NHLRC3: variants seen among roughly 807,000 people sequenced by gnomAD.
The protein encoded by NHLRC3 is NHL repeat-containing protein 3.
In NHLRC3, 23 loss-of-function variants were observed where a neutral mutation model predicts 32.0. The observed-to-expected ratio is 0.72, with a 90% CI of 0.52 to 1.02. The LOEUF is 1.02. Among genes scored for constraint, NHLRC3 ranks in the 50% least tolerant of loss-of-function variants. The pLI, the probability that NHLRC3 is intolerant of heterozygous loss-of-function variation, is 0.00. For synonymous variants in NHLRC3, 159 were observed against 147.9 expected (o/e 1.08, Z -0.55); for missense variants, 407 against 406.8 (o/e 1.00, Z -0.01).
At chr13:39,045,447 G>A (rs1417429632) in intron 5 of NHLRC3, among the ~76,000 whole-genome samples, 1 of 152,180 alleles carries the variant, frequency 6.6e-6, no homozygotes, top group African/African-American at 2.4e-5. Flanking sequence ...GATAAAGAGT[G>A]TCAATTATAC....
Position 39,047,830 on chromosome 13 carries a change from C to G in NHLRC3, c.948C>G (p.Asp316Glu), listed in dbSNP as rs144310707. 1.8e-5 allele frequency: 29 copies of G among 1,614,014 alleles called. No individual in the cohort carries two copies. In the African/African-American group the frequency reaches 3.3e-4, roughly 19 times the overall value. ...DQVLPHLLEV[D>E]RKTGAVYVAE... ...TTTTGCCACATCTCCTAGAAGTCGA[C>G]AGAAAGACTGGAGCAGTCTATGTAG... The change falls in exon 7 of 7, where the codon GAC (aspartate) becomes GAG (glutamate). Residue 316 changes from aspartate (D) to glutamate (E), a missense_variant. Transcript: ENST00000379600.
intron 4 of NHLRC3, 56 bp from the exon 5 acceptor site, chr13:39,044,034 C>T: frequency 8.4e-7 from 1 of 1,195,822 alleles, no homozygotes; most frequent in Non-Finnish European, 1.2e-6. Context: ...ATAAAATATG[C>T]AAATGCATGA....
Position 39,038,618 on chromosome 13 carries a change from T to C in NHLRC3, c.-22T>C, listed in dbSNP as rs908757718. On this transcript the variant is annotated 5_prime_UTR_variant, in exon 1 of 7. Coordinates refer to ENST00000379600, the MANE Select transcript of NHLRC3 (RefSeq NM_001012754.4). ...CCCCCAGACACCTGCGGACCCTCCCTCTCCTGGCTTCCCGTCTGGTCATGG... is the reference window on the plus strand; with the variant it reads ...CCCCCAGACACCTGCGGACCCTCCCCCTCCTGGCTTCCCGTCTGGTCATGG... 1 of 1,609,828 alleles carries C rather than the reference T, an allele frequency of 6.2e-7. No individual in the cohort carries two copies. Among genetic ancestry groups the C allele is most frequent in the African/African-American group, 1.3e-5 (1 of 74,834 alleles).
chr13:39,039,151 A>G lies in NHLRC3; in HGVS notation c.100A>G (p.Thr34Ala), dbSNP rs1397012377. Residue 34 changes from threonine to alanine, a missense_variant, in exon 2 of 7, where the codon ACT (threonine) becomes GCT (alanine). Physicochemically the swap from Thr to Ala is moderately conservative, Grantham distance 58 (BLOSUM62 0). Transcript: ENST00000379600. ...TTTGTTTAAGGTTTTGAGGAACTTTACTTTTGCAGTTTCCTGGAGAACTGA... is the reference window on the plus strand; with the variant it reads ...TTTGTTTAAGGTTTTGAGGAACTTTGCTTTTGCAGTTTCCTGGAGAACTGA... The part of the protein sequence containing the change: ...FCGSPVLRNF[T>A]FAVSWRTEKI... The G allele has an allele frequency of 6.5e-7, 1 of 1,539,166 alleles. No homozygotes were observed. Among genetic ancestry groups the G allele is most frequent in the East Asian group, 2.5e-5 (1 of 39,800 alleles).
chr13:39,046,260 A>G (rs530820932), intron 5 of NHLRC3, among the ~76,000 whole-genome samples: 1 of 152,286 alleles, frequency 6.6e-6, no homozygotes, highest in South Asian at 2.1e-4. Context: ...CGGAGCTTGC[A>G]GTGAGCCGAG....
Position 39,048,086 on chromosome 13 carries a change from C to T in NHLRC3, c.*160C>T, listed in dbSNP as rs1291465450. 2 of 609,932 alleles carry T rather than the reference C, an allele frequency of 3.3e-6. No homozygotes were observed. The highest frequency in any genetic ancestry group is 5.5e-6 in the Non-Finnish European group (2 of 360,508). 37.8% of individuals were successfully genotyped at this position (609,932 alleles called of 1,614,324 possible). On this transcript the variant is annotated 3_prime_UTR_variant, in exon 7 of 7. Coordinates refer to ENST00000379600, the MANE Select transcript of NHLRC3 (RefSeq NM_001012754.4). ...CATTAAGAATCTTATATTTTGTTGCCCTCTTGGGACTTAGTTTTATTTGTA... is the reference window on the plus strand; with the variant it reads ...CATTAAGAATCTTATATTTTGTTGCTCTCTTGGGACTTAGTTTTATTTGTA...
intron 5 of NHLRC3, 53 bp downstream of exon 5, chr13:39,044,234 TG>T: frequency 1.1e-5 from 5 of 454,170 alleles, no homozygotes; most frequent in Admixed American, 8.8e-5. Flanking sequence ...TATGTTTGTG[TG>T]TGTGTGTGTG....
At position 39,039,118 on chromosome 13, in the gene NHLRC3, T is replaced by C; in HGVS notation, c.85-18T>C. On this transcript the variant is annotated intron_variant, in intron 1 of 6. Transcript: ENST00000379600. ...CCTAGACGGTAAACTAAATCTGAATTGTCTGATTTTGTTTAAGGTTTTGAG... is the reference window on the plus strand; with the variant it reads ...CCTAGACGGTAAACTAAATCTGAATCGTCTGATTTTGTTTAAGGTTTTGAG... 1 of 1,597,978 alleles carries C rather than the reference T, an allele frequency of 6.3e-7. No homozygotes were observed. Among genetic ancestry groups the C allele is most frequent in the Non-Finnish European group, 8.6e-7 (1 of 1,169,112 alleles).
At chr13:39,041,323 A>C (rs905213956) in intron 3 of NHLRC3, 3 of 152,138 alleles carry the variant, frequency 2.0e-5, no homozygotes, top group African/African-American at 7.2e-5. Context: ...ATAGTAAATA[A>C]ATTATTTAAC....
At chr13:39,044,334 T>G (rs557839376) in intron 5 of NHLRC3, 153 bp downstream of exon 5, 12 of 619,754 alleles carry the variant, frequency 1.9e-5, no homozygotes, top group Middle Eastern at 3.9e-4. Context: ...TGTGTGTTAG[T>G]GGGTATGTCT....
rs1384824721 is a variant in NHLRC3, at chr13:39,048,566, G to A, written c.*640G>A. The A allele has an allele frequency of 1.3e-5, 2 of 152,174 alleles. No individual in the cohort carries two copies. The highest frequency in any genetic ancestry group is 2.9e-5 in the Non-Finnish European group (2 of 68,044). The allele number at this position is 152,174 out of a possible 1,614,324, so 9.4% of individuals were successfully genotyped here. A position where few individuals can be genotyped will look rare whatever the true frequency, so the allele number is the denominator to read the frequency against. On this transcript the variant is annotated 3_prime_UTR_variant, in exon 7 of 7. Transcript: ENST00000379600. ...GATACTTCGCAGGAGAAGTGAATTT[G>A]AGCTCAGACTTGAAAACTGAGGAGG...
At position 39,038,580 on chromosome 13, in the gene NHLRC3, G is replaced by T. The variant is rs537058961; in HGVS notation, c.-60G>T. The T allele has an allele frequency of 7.0e-7, 1 of 1,425,200 alleles. No homozygotes were observed. The highest frequency in any genetic ancestry group is 9.9e-7 in the Non-Finnish European group (1 of 1,007,684). The allele number at this position is 1,425,200 out of a possible 1,614,324, so 88.3% of individuals were successfully genotyped here. The stretch of plus-strand genomic sequence containing the variant: ...CCGCTGCAAACCGTTGCAGCCTGAG[G>T]CTGTCAGGTCCTCCCCCAGACACCT... On this transcript the variant is annotated 5_prime_UTR_variant, in exon 1 of 7. Transcript: ENST00000379600.
At position 39,039,726 on chromosome 13, in the gene NHLRC3, A is replaced by G. The variant is rs765389378; in HGVS notation, c.385+15A>G. The G allele has an allele frequency of 5.7e-6, 9 of 1,574,306 alleles. No individual in the cohort carries two copies. In the East Asian group the frequency reaches 1.1e-4, roughly 20 times the overall value. ...TGTAGGAAGTGGTATGTATAGTAAT[A>G]TCTATTAAATTATCTTACTGGAAAT... is the stretch of plus-strand genomic sequence containing the variant. On this transcript the variant is annotated intron_variant, in intron 3 of 6. Transcript: ENST00000379600.
In NHLRC3 at chr13:39,049,047, C is replaced by CTT. The variant is rs11384181; in HGVS notation, c.*1135_*1136dup. ...TGAATATTGGCTTCCCAATTAAGACCTTTTTTTTTTTTTTTCCAGTTTGTT... is the reference window on the plus strand; with the variant it reads ...TGAATATTGGCTTCCCAATTAAGACCTTTTTTTTTTTTTTTTTCCAGTTTGTT... On this transcript the variant is annotated 3_prime_UTR_variant, in exon 7 of 7. Transcript: ENST00000379600. 9.3e-4 allele frequency: 133 copies of CTT among 142,622 alleles called. 1 individual carries two copies. The highest frequency in any genetic ancestry group is 2.4e-3 in the African/African-American group (91 of 38,652). 8.8% of individuals were successfully genotyped at this position (142,622 alleles called of 1,614,324 possible).
intron 3 of NHLRC3, chr13:39,041,810 C>T: frequency 3.4e-6 from 1 of 290,374 alleles, no homozygotes. Context: ...GAAAATGGTG[C>T]ACCAATACTT....
chr13:39,044,475 G>T (rs762720415), intron 5 of NHLRC3: 8 of 318,376 alleles, frequency 2.5e-5, no homozygotes, highest in Admixed American at 4.9e-5. Context: ...AGGATAGAAG[G>T]CACAAATAAT....
chr13:39,039,636 G>A lies in NHLRC3; in HGVS notation c.310G>A (p.Val104Ile), dbSNP rs566994584. The change falls in exon 3 of 7, where the codon GTT (valine) becomes ATT (isoleucine). Residue 104 changes from valine (V) to isoleucine (I), a missense_variant. Coordinates refer to ENST00000379600, the MANE Select transcript of NHLRC3 (RefSeq NM_001012754.4). The stretch of plus-strand genomic sequence containing the variant: ...TTTCCTACGAGCCTGGAATTATACA[G>A]TTGACACACCTCATGGTATATTTGC... Reference protein sequence around the residue: ...GYFLRAWNYTVDTPHGIFAAS... With the variant: ...GYFLRAWNYTIDTPHGIFAAS... 12 of 1,611,882 alleles carry A rather than the reference G, an allele frequency of 7.4e-6. No homozygotes were observed. In the African/African-American group the frequency reaches 1.6e-4, roughly 21 times the overall value.
chr13:39,044,174 C>T lies in NHLRC3; in HGVS notation c.671C>T (p.Ala224Val). The T allele has an allele frequency of 6.2e-7, 1 of 1,609,360 alleles. No individual in the cohort carries two copies. Among genetic ancestry groups the T allele is most frequent in the East Asian group, 2.2e-5 (1 of 44,838 alleles). ...CCTCACAGTGTTACACTTGATTCAG[C>T]TGGTCGGGTACAAATACAGCGTCAT... ...NIPHSVTLDSAGRVWVADRGN... is the reference protein window; with the variant it reads ...NIPHSVTLDSVGRVWVADRGN... Residue 224 changes from alanine to valine, a missense_variant, in exon 5 of 7, where the codon GCT (alanine) becomes GTT (valine). Coordinates refer to ENST00000379600, the MANE Select transcript of NHLRC3 (RefSeq NM_001012754.4).
chr13:39,041,928 A>G (rs1407113182), intron 3 of NHLRC3, 177 bp from the exon 4 acceptor site: 3 of 535,708 alleles, frequency 5.6e-6, no homozygotes, highest in Non-Finnish European at 9.8e-6. Context: ...TTCGTGATCA[A>G]ATTTGGCTGT....
Sources: gnomAD v4.1 joint callset for allele counts (sites outside exome capture counted in the v4.1 genomes callset) on GRCh38, gnomAD v4.1.1 for gene constraint, MANE v1.5 for transcripts, NCBI Gene and HGNC (gene_info 2026-07-23, HGNC 2026-07-21) for gene names.